Variants in PPP1R37 observed in about 807,000 individuals in gnomAD.
PPP1R37 encodes the protein leucine rich repeat containing 68.
PPP1R37 carries 21 observed loss-of-function variants against 61.0 expected under a neutral mutation model. That is an observed-to-expected ratio of 0.34 (90% confidence interval 0.24 to 0.50). The LOEUF (loss-of-function observed/expected upper bound fraction) is 0.50, where lower values mean the gene tolerates loss of function less well. Among genes scored for constraint, PPP1R37 ranks in the 20% least tolerant of loss-of-function variants. The probability of loss-of-function intolerance (pLI) is 0.98; values close to 1 mark genes in which losing one functional copy is unlikely to be tolerated. For missense variants in PPP1R37, 910 were observed against 952.7 expected, an observed-to-expected ratio of 0.96 and a Z score of 0.59; for synonymous variants, 443 against 433.5, an observed-to-expected ratio of 1.02 and a Z score of -0.27.
chr19:45,119,155 ATTT>A (rs746814304), intron 1 of PPP1R37, among the ~76,000 whole-genome samples: 1 of 133,696 alleles, frequency 7.5e-6, no homozygotes, highest in Non-Finnish European at 1.6e-5. Flanking sequence ...CACCCGTCTA[ATTT>A]TTTTTTTTTT....
At chr19:45,146,243 C>CTTGT in intron 11 of PPP1R37, 147 bp from the exon 12 acceptor site, 1 of 747,768 alleles carries the variant, frequency 1.3e-6, no homozygotes, top group Non-Finnish European at 2.0e-6. Flanking sequence ...GGTGGGGGGG[C>CTTGT]ATGTAAGGTG....
chr19:45,122,862 C>T (rs1203820294), intron 1 of PPP1R37, among the ~76,000 whole-genome samples: 1 of 152,160 alleles, frequency 6.6e-6, no homozygotes, highest in African/African-American at 2.4e-5. Flanking sequence ...TCCCGTGCTC[C>T]ATAAGCAGGA....
At chr19:45,144,730 C>A in intron 8 of PPP1R37, 124 bp from the exon 9 acceptor site, 1 of 802,062 alleles carries the variant, frequency 1.2e-6, no homozygotes, top group Non-Finnish European at 1.9e-6. Context: ...GGTGTTCACG[C>A]AGGCGCGCGA....
At position 45,105,315 on chromosome 19, in the gene PPP1R37, G is replaced by A. The variant is rs559064047; in HGVS notation, c.202+11788G>A. On this transcript the variant is annotated intron_variant, in intron 1 of 12. Coordinates refer to ENST00000221462, the MANE Select transcript of PPP1R37 (RefSeq NM_019121.2). ...CTGGTGAGAATGGCAGCGCAGGACTGGCAAACAGGCCCGTCTTTGCTGTTG... is the reference window on the plus strand; with the variant it reads ...CTGGTGAGAATGGCAGCGCAGGACTAGCAAACAGGCCCGTCTTTGCTGTTG... 6.8e-4 allele frequency among the ~76,000 whole-genome samples: 103 copies of A among 152,270 alleles called. 1 individual carries two copies. The highest frequency in any genetic ancestry group is 3.4e-3 in the Middle Eastern group (1 of 294).
intron 1 of PPP1R37, among the ~76,000 whole-genome samples, chr19:45,115,905 C>T (rs1968261153): frequency 1.3e-5 from 2 of 151,100 alleles, no homozygotes; most frequent in Admixed American, 1.3e-4. Flanking sequence ...ACCCAGGAAG[C>T]GGAAGTTGCA....
intron 1 of PPP1R37, among the ~76,000 whole-genome samples, chr19:45,126,011 C>T (rs10419883): frequency 0.035 from 5,377 of 152,308 alleles, 319 homozygotes; most frequent in African/African-American, 0.12. Context: ...GGCTCCTTCC[C>T]GAGGGTGTGC....
intron 12 of PPP1R37, 40 bp downstream of exon 12, chr19:45,146,520 T>A (rs991533167): frequency 2.2e-6 from 3 of 1,394,682 alleles, no homozygotes; most frequent in Non-Finnish European, 2.9e-6. Flanking sequence ...CGGGAGGAGC[T>A]GAGAGAGCCT....
At position 45,094,491 on chromosome 19, in the gene PPP1R37, C is replaced by T. The variant is rs570133986; in HGVS notation, c.202+964C>T. Among the ~76,000 whole-genome samples, 16 of 152,028 alleles carry T rather than the reference C, an allele frequency of 1.1e-4. No homozygotes were observed. The South Asian group carries it at 3.3e-3, about 32-fold the overall frequency. Reference sequence around the variant, plus strand: ...CGTGTAATCCCAGCACTTTGGGAGGCCAAGGTGGGTGGATCACCTGAGGTC... The same window carrying T: ...CGTGTAATCCCAGCACTTTGGGAGGTCAAGGTGGGTGGATCACCTGAGGTC... On this transcript the variant is annotated intron_variant, in intron 1 of 12. Transcript: ENST00000221462.
At chr19:45,099,356 A>G (rs1968033400) in intron 1 of PPP1R37, among the ~76,000 whole-genome samples, 1 of 152,220 alleles carries the variant, frequency 6.6e-6, no homozygotes, top group Non-Finnish European at 1.5e-5. Context: ...GTCTCAGCCC[A>G]CTAGTAGAAG....
At chr19:45,120,163 G>A (rs949711144) in intron 1 of PPP1R37, among the ~76,000 whole-genome samples, 1 of 151,736 alleles carries the variant, frequency 6.6e-6, no homozygotes, top group African/African-American at 2.4e-5. Flanking sequence ...GACTACAGGT[G>A]CCCGCCACCA....
At chr19:45,112,941 C>G (rs1159126154) in intron 1 of PPP1R37, among the ~76,000 whole-genome samples, 2 of 152,148 alleles carry the variant, frequency 1.3e-5, no homozygotes, top group African/African-American at 4.8e-5. Context: ...GACCCCAAGG[C>G]CATGTAAGCC....
chr19:45,129,803 C>T (rs984778377), intron 1 of PPP1R37, among the ~76,000 whole-genome samples: 1 of 152,184 alleles, frequency 6.6e-6, no homozygotes, highest in Non-Finnish European at 1.5e-5. Context: ...AAAGGAGGAG[C>T]GGGGAGGGGT....
chr19:45,109,289 T>G (rs1968171112), intron 1 of PPP1R37, among the ~76,000 whole-genome samples: 1 of 152,164 alleles, frequency 6.6e-6, no homozygotes, highest in Non-Finnish European at 1.5e-5. Flanking sequence ...CCTCTGCTAT[T>G]TCACCGAGTC....
intron 1 of PPP1R37, among the ~76,000 whole-genome samples, chr19:45,104,494 A>T (rs548476238): frequency 6.6e-6 from 1 of 152,130 alleles, no homozygotes; most frequent in African/African-American, 2.4e-5. Context: ...TTTTTCCTGC[A>T]TTCATTCCTT....
intron 2 of PPP1R37, among the ~76,000 whole-genome samples, chr19:45,139,459 C>G (rs1968581495): frequency 6.6e-6 from 1 of 152,114 alleles, no homozygotes; most frequent in Non-Finnish European, 1.5e-5. Context: ...GTCCCCCAGC[C>G]CCCTCCCTCG....
intron 1 of PPP1R37, among the ~76,000 whole-genome samples, chr19:45,131,137 G>A (rs563857409): frequency 7.9e-4 from 120 of 152,314 alleles, no homozygotes; most frequent in African/African-American, 2.6e-3. Flanking sequence ...GATGCCCGGC[G>A]TCAGGTTTCT....
chr19:45,143,837 C>CTTT, intron 8 of PPP1R37: 6 of 374,144 alleles, frequency 1.6e-5, no homozygotes, highest in Admixed American at 4.4e-5. Context: ...TCATTATCTC[C>CTTT]TTTTTTTTTT....
At chr19:45,122,687 G>A (rs1256496519) in intron 1 of PPP1R37, among the ~76,000 whole-genome samples, 1 of 152,118 alleles carries the variant, frequency 6.6e-6, no homozygotes, top group Non-Finnish European at 1.5e-5. Context: ...GTGTGAGGAA[G>A]AGGGGTGCTC....
intron 1 of PPP1R37, among the ~76,000 whole-genome samples, chr19:45,135,365 G>A (rs769760097): frequency 2.6e-5 from 4 of 152,236 alleles, no homozygotes; most frequent in Admixed American, 6.5e-5. Flanking sequence ...TCGCCCCAGC[G>A]GTGCCCACCC....
Sources: gnomAD v4.1 joint callset for allele counts (sites outside exome capture counted in the v4.1 genomes callset) on GRCh38, gnomAD v4.1.1 for gene constraint, MANE v1.5 for transcripts, NCBI Gene and HGNC (gene_info 2026-07-23, HGNC 2026-07-21) for gene names.